FAM149A: variants seen among roughly 807,000 people sequenced by gnomAD.
The protein encoded by FAM149A is family with sequence similarity 149 member A.
In FAM149A, 71 loss-of-function variants were observed where a neutral mutation model predicts 78.2. The observed-to-expected ratio is 0.91, with a 90% CI of 0.75 to 1.11. FAM149A has a LOEUF of 1.11. FAM149A is among the 50% of genes least tolerant of loss of function. FAM149A has a pLI of 0.00. For synonymous variants in FAM149A, 446 were observed against 410.5 expected, an observed-to-expected ratio of 1.09 and a Z score of -1.04; for missense variants, 1,036 against 971.0, an observed-to-expected ratio of 1.07 and a Z score of -0.89.
intron 8 of FAM149A, chr4:186,158,013 A>C (rs1336285353): frequency 6.9e-7 from 1 of 1,458,338 alleles, no homozygotes; most frequent in East Asian, 3.0e-5. Flanking sequence ...GTATATCCAC[A>C]AAAGGACGGA....
Position 186,150,545 on chromosome 4 carries a change from G to A in FAM149A, c.789+841G>A, listed in dbSNP as rs55818710. Among the ~76,000 whole-genome samples the A allele has an allele frequency of 4.4e-3, 547 of 123,934 alleles. 8 individuals are homozygous for A. Among genetic ancestry groups the A allele is most frequent in the African/African-American group, 0.016 (519 of 32,810 alleles). 81.3% of individuals were successfully genotyped at this position (123,934 alleles called of 152,430 possible). A position where few individuals can be genotyped will look rare whatever the true frequency, so the allele number is the denominator to read the frequency against. ...CGCCATTCTCCTGCCTCAGCCTCCC[G>A]AGTAGCTGGGACCACAGGCGCCCAC... is the stretch of plus-strand genomic sequence containing the variant. On this transcript the variant is annotated intron_variant, in intron 3 of 13. Transcript: ENST00000389354.
chr4:186,151,993 C>A lies in FAM149A; in HGVS notation c.880C>A (p.Gln294Lys). 1 of 1,614,184 alleles carries A rather than the reference C, an allele frequency of 6.2e-7. No homozygotes were observed. The highest frequency in any genetic ancestry group is 8.5e-7 in the Non-Finnish European group (1 of 1,180,032). Residue 294 changes from glutamine (Q) to lysine (K), a missense_variant, in exon 4 of 14, where the codon CAG becomes AAG. Gln to Lys is a moderately conservative substitution (Grantham distance 53, BLOSUM62 1). Around this residue, in one of 3 missense-constraint regions of FAM149A, gnomAD observed 716 missense variants for 711.8 expected, o/e 1.01. Coordinates refer to ENST00000389354, the MANE Select transcript of FAM149A (RefSeq NM_001367768.3). ...TGAAGGGAAAGTGAACCCTCAGACCCAGAGTCTGCTGGCCGAATGCGGGGA... is the reference window on the plus strand; with the variant it reads ...TGAAGGGAAAGTGAACCCTCAGACCAAGAGTCTGCTGGCCGAATGCGGGGA...
chr4:186,149,115 A>G, intron 1 of FAM149A, 58 bp from the exon 2 acceptor site: 22 of 1,220,030 alleles, frequency 1.8e-5, no homozygotes, highest in Non-Finnish European at 2.3e-5. Context: ...AAAAGTCTTA[A>G]TGAATAAAAC....
intron 1 of FAM149A, among the ~76,000 whole-genome samples, chr4:186,110,483 C>T (rs1293044456): frequency 7.6e-5 from 11 of 145,306 alleles, no homozygotes; most frequent in Admixed American, 1.4e-4. Flanking sequence ...CATGCTGGTG[C>T]GCTGCACCCA....
chr4:186,168,882 CCT>C (rs1419872898), intron 13 of FAM149A, among the ~76,000 whole-genome samples: 5 of 152,164 alleles, frequency 3.3e-5, no homozygotes, highest in African/African-American at 9.7e-5. Context: ...ACCTGGATCC[CCT>C]GTCAGATGGC....
chr4:186,124,145 T>C, intron 1 of FAM149A: 1 of 985,240 alleles, frequency 1.0e-6, no homozygotes, highest in Non-Finnish European at 1.2e-6. Context: ...CCAAGATACA[T>C]CTACAGAATA....
In FAM149A at chr4:186,173,675, A is replaced by G. The variant is rs1735638106; in HGVS notation, c.*1688A>G. 1.8e-5 allele frequency among the ~76,000 whole-genome samples: 2 copies of G among 111,342 alleles called. 1 individual carries two copies. Among genetic ancestry groups the G allele is most frequent in the South Asian group, 5.5e-4 (2 of 3,622 alleles). 73.0% of individuals were successfully genotyped at this position (111,342 alleles called of 152,430 possible). ...CCTGGCCAGCTGACTCCATTTCTAT[A>G]GCAATGAGACACATTAGGCAGCAGC... On this transcript the variant is annotated 3_prime_UTR_variant, in exon 14 of 14. Coordinates refer to ENST00000389354, the MANE Select transcript of FAM149A (RefSeq NM_001367768.3).
chr4:186,122,231 A>T (rs868312541), intron 1 of FAM149A, among the ~76,000 whole-genome samples: 4 of 152,246 alleles, frequency 2.6e-5, no homozygotes, highest in Non-Finnish European at 4.4e-5. Flanking sequence ...TAAAACTGTC[A>T]GTGTCAGGTC....
chr4:186,135,955 C>T (rs560578125), intron 1 of FAM149A, among the ~76,000 whole-genome samples: 114 of 152,260 alleles, frequency 7.5e-4, no homozygotes, highest in African/African-American at 2.5e-3. Flanking sequence ...GGAGGCACCA[C>T]GCGTGTGGAG....
At chr4:186,136,963 TTTCTCTCTCTCTTTCTCTCTCTCTCTC>T (rs1561396322) in intron 1 of FAM149A, among the ~76,000 whole-genome samples, 12 of 103,360 alleles carry the variant, frequency 1.2e-4, no homozygotes, top group South Asian at 3.3e-4. Context: ...TCTCTCTCTC[TTTCTCTCTCTCTTTCTCTCTCTCTCTC>T]TCTCTCTCTC....
rs543625967 is a variant in FAM149A, at chr4:186,151,706, G to A, written c.790-197G>A. 7.1e-6 allele frequency: 7 copies of A among 985,100 alleles called. No homozygotes were observed. The African/African-American group carries it at 1.2e-4, about 17-fold the overall frequency. 61.0% of individuals were successfully genotyped at this position (985,100 alleles called of 1,614,324 possible). On this transcript the variant is annotated intron_variant, in intron 3 of 13. Transcript: ENST00000389354. ...TCTATTTAACAGTAAAAGAATCCGA[G>A]GCTCAGAATGAGATGGCATTTCTCA...
chr4:186,118,828 C>G (rs1450524872), intron 1 of FAM149A, among the ~76,000 whole-genome samples: 7 of 152,146 alleles, frequency 4.6e-5, no homozygotes, highest in Admixed American at 4.6e-4. Flanking sequence ...AGCCAAGCAC[C>G]CACTGCCTGG....
At chr4:186,124,418 C>A (rs189414257) in intron 1 of FAM149A, among the ~76,000 whole-genome samples, 8 of 151,646 alleles carry the variant, frequency 5.3e-5, no homozygotes, top group East Asian at 2.0e-4. Flanking sequence ...CCCGCTCCCC[C>A]CCACCCCACA....
chr4:186,129,491 A>G (rs1354391308), intron 1 of FAM149A, among the ~76,000 whole-genome samples: 1 of 152,202 alleles, frequency 6.6e-6, no homozygotes, highest in Admixed American at 6.5e-5. Flanking sequence ...AGTTCTCTTG[A>G]TTCCGCTTCC....
At chr4:186,134,090 G>A (rs746546802) in intron 1 of FAM149A, among the ~76,000 whole-genome samples, 13 of 152,124 alleles carry the variant, frequency 8.5e-5, no homozygotes, top group African/African-American at 2.4e-4. Context: ...CGTTTCCACC[G>A]GTGATGCACG....
At chr4:186,140,786 G>A (rs568269201) in intron 1 of FAM149A, among the ~76,000 whole-genome samples, 59 of 152,244 alleles carry the variant, frequency 3.9e-4, no homozygotes, top group East Asian at 3.9e-3. Context: ...ATGGAAAATC[G>A]TATGGACTAA....
intron 2 of FAM149A, 64 bp downstream of exon 2, chr4:186,149,347 A>G (rs567042943): frequency 1.6e-6 from 2 of 1,251,254 alleles, no homozygotes; most frequent in South Asian, 1.3e-5. Context: ...GTGGGAAGGA[A>G]GTTAGTGACT....
chr4:186,125,923 C>G, intron 1 of FAM149A: 1 of 985,354 alleles, frequency 1.0e-6, no homozygotes, highest in Non-Finnish European at 1.2e-6. Context: ...CAGACTCGCA[C>G]TGGCAAGAGC....
Position 186,154,517 on chromosome 4 carries a change from G to A in FAM149A, c.1108G>A (p.Ala370Thr), listed in dbSNP as rs771338887. 1 of 1,614,080 alleles carries A rather than the reference G, an allele frequency of 6.2e-7. No homozygotes were observed. Among genetic ancestry groups the A allele is most frequent in the Non-Finnish European group, 8.5e-7 (1 of 1,180,010 alleles). Reference sequence around the variant, plus strand: ...AGTCCCAGCAGCACTCTCAGCCTCTGCCCTGCCAGGCCCTGATGACACAGG... The same window carrying A: ...AGTCCCAGCAGCACTCTCAGCCTCTACCCTGCCAGGCCCTGATGACACAGG... Residue 370 changes from alanine to threonine, a missense_variant, in exon 6 of 14, where the codon GCC becomes ACC. Coordinates refer to ENST00000389354, the MANE Select transcript of FAM149A (RefSeq NM_001367768.3).
Sources: allele counts gnomAD v4.1 joint callset (sites outside exome capture counted in the v4.1 genomes callset), GRCh38; gene constraint gnomAD v4.1.1; regional missense constraint gnomAD v4.1.1; transcripts MANE v1.5; gene names NCBI Gene and HGNC (gene_info 2026-07-23, HGNC 2026-07-21).